Variants in CAMTA1 observed in about 807,000 individuals in gnomAD.
CAMTA1 encodes the protein calmodulin-binding transcription activator 1.
Under a neutral mutation model 170.9 loss-of-function variants are expected in CAMTA1, and 27 were observed. The observed-to-expected ratio is 0.16, with a 90% CI of 0.12 to 0.22. The LOEUF is 0.22. Ranked by LOEUF, CAMTA1 falls within the 10% of genes least tolerant of loss-of-function variation. The pLI, the probability that CAMTA1 is intolerant of heterozygous loss-of-function variation, is 1.00. For missense variants in CAMTA1, 1,619 were observed against 2,217.2 expected (o/e 0.73, Z 5.42); for synonymous variants, 833 against 891.5 (o/e 0.93, Z 1.17).
chr1:6,887,561 C>G lies in CAMTA1; in HGVS notation c.234+62351C>G. 1 of 1,513,510 alleles carries G rather than the reference C, an allele frequency of 6.6e-7. No individual in the cohort carries two copies. Among genetic ancestry groups the G allele is most frequent in the South Asian group, 1.2e-5 (1 of 81,008 alleles). 93.8% of individuals were successfully genotyped at this position (1,513,510 alleles called of 1,614,324 possible). A position where few individuals can be genotyped will look rare whatever the true frequency, so the allele number is the denominator to read the frequency against. On this transcript the variant is annotated intron_variant, in intron 3 of 22. Transcript: ENST00000303635. This position sits in a 1 kb window ranked among gnomAD's most constrained non-coding sequence, Gnocchi z 4.1. ...TGCCTTTACCCAGATGTCTCCTCCT[C>G]TCTCTGCCTCTGGAAATGGGGCAAA...
At chr1:6,964,805 G>T (rs562495887) in intron 3 of CAMTA1, among the ~76,000 whole-genome samples, 2 of 152,198 alleles carry the variant, frequency 1.3e-5, no homozygotes, top group African/African-American at 4.8e-5. Context: ...GTGAGATGCC[G>T]CCAGGGATTC....
chr1:7,381,717 G>A (rs1328860260), intron 5 of CAMTA1, among the ~76,000 whole-genome samples: 1 of 148,614 alleles, frequency 6.7e-6, no homozygotes, highest in Non-Finnish European at 1.5e-5. Context: ...CTAGATCCCT[G>A]AGGAATCGCC....
At chr1:7,100,413 A>G (rs1406201108) in intron 4 of CAMTA1, among the ~76,000 whole-genome samples, 1 of 152,080 alleles carries the variant, frequency 6.6e-6, no homozygotes, top group African/African-American at 2.4e-5. Flanking sequence ...AGTCGTGCCG[A>G]GTGGGACCCA....
In CAMTA1 at chr1:7,232,952, CT is replaced by C. The variant is rs749163158; in HGVS notation, c.303-16527del. On this transcript the variant is annotated intron_variant, in intron 4 of 22. Transcript: ENST00000303635. ...GAGCAAACTCCCTCCTCCTGCTCTT[CT>C]TTTTTTTTTTTCCCTCCCACCGAGA... Among the ~76,000 whole-genome samples, 290 of 83,476 alleles carry C rather than the reference CT, an allele frequency of 3.5e-3. 1 individual carries two copies. The highest frequency in any genetic ancestry group is 7.1e-3 in the Middle Eastern group (1 of 140). 54.8% of individuals were successfully genotyped at this position (83,476 alleles called of 152,430 possible).
chr1:7,514,550 T>C (rs1365199173), intron 6 of CAMTA1, among the ~76,000 whole-genome samples: 2 of 152,212 alleles, frequency 1.3e-5, no homozygotes, highest in East Asian at 3.9e-4. Context: ...GAAGGACATA[T>C]GAGATTTGTC....
chr1:7,520,206 TCCTCCTCCTC>T (rs2094342533), intron 6 of CAMTA1, among the ~76,000 whole-genome samples: 2 of 264 alleles, frequency 7.6e-3, no homozygotes, highest in Non-Finnish European at 0.016. Context: ...GCCGACCTCC[TCCTCCTCCTC>T]CTCCTCCTCC....
At chr1:6,886,104 GC>G in intron 3 of CAMTA1, 1 of 402,276 alleles carries the variant, frequency 2.5e-6, no homozygotes, top group Non-Finnish European at 4.9e-6. Context: ...TTTTCCTTGA[GC>G]CCACCATCTG....
At chr1:7,309,338 C>T (rs1410734711) in intron 5 of CAMTA1, among the ~76,000 whole-genome samples, 1 of 123,892 alleles carries the variant, frequency 8.1e-6, no homozygotes, top group South Asian at 2.6e-4. Flanking sequence ...CTCGCTCTGT[C>T]GCCCAGGCTG....
chr1:6,941,159 G>A (rs1686539611), intron 3 of CAMTA1, among the ~76,000 whole-genome samples: 2 of 152,088 alleles, frequency 1.3e-5, no homozygotes, highest in African/African-American at 4.8e-5. Context: ...CCTGTCTGCT[G>A]CCCCTCTGGT....
rs3827726 is a variant in CAMTA1, at chr1:6,887,913, C to T, written c.234+62703C>T. ...ACTCTTGCCTCATCCGGAGTTATTA[C>T]GAAGGAGCTCCGCAGCCTGACTGAG... is the stretch of plus-strand genomic sequence containing the variant. On this transcript the variant is annotated intron_variant, in intron 3 of 22. Transcript: ENST00000303635. This position sits in a 1 kb window ranked among gnomAD's most constrained non-coding sequence, Gnocchi z 4.1. 242,681 of 1,352,810 alleles carry T rather than the reference C, an allele frequency of 0.18. 22,234 individuals carry two copies. The highest frequency in any genetic ancestry group is 0.29 in the East Asian group (9,924 of 34,148). The allele number at this position is 1,352,810 out of a possible 1,614,324, so 83.8% of individuals were successfully genotyped here. A position where few individuals can be genotyped will look rare whatever the true frequency, so the allele number is the denominator to read the frequency against.
chr1:7,176,924 C>T (rs953565243), intron 4 of CAMTA1, among the ~76,000 whole-genome samples: 4 of 152,062 alleles, frequency 2.6e-5, no homozygotes, highest in African/African-American at 4.8e-5. Flanking sequence ...CACTAGATTG[C>T]GGAGAGGCTG....
intron 5 of CAMTA1, among the ~76,000 whole-genome samples, chr1:7,392,386 G>C (rs1249550848): frequency 2.6e-5 from 4 of 151,774 alleles, no homozygotes; most frequent in Admixed American, 2.6e-4. Context: ...CTCAGGAGTA[G>C]CTGGGATTAC....
chr1:7,236,140 C>T (rs2149234726), intron 4 of CAMTA1, among the ~76,000 whole-genome samples: 1 of 152,276 alleles, frequency 6.6e-6, no homozygotes, highest in South Asian at 2.1e-4. Context: ...CCCCTGTAAA[C>T]AAGTCAGAGG....
At chr1:7,091,445 G>A (rs45517936) in intron 4 of CAMTA1, 74 bp downstream of exon 4, 24,987 of 1,175,256 alleles carry the variant, frequency 0.021, 321 homozygotes, top group Middle Eastern at 0.026. Flanking sequence ...ACCTGATTTG[G>A]CCAGTGAATT....
At chr1:6,903,245 G>C (rs1274061085) in intron 3 of CAMTA1, among the ~76,000 whole-genome samples, 1 of 152,214 alleles carries the variant, frequency 6.6e-6, no homozygotes, top group African/African-American at 2.4e-5. Flanking sequence ...CTTAAGAGTA[G>C]GGAGGGGAAT....
chr1:6,971,391 A>G lies in CAMTA1; in HGVS notation c.235-119913A>G, dbSNP rs993457546. The stretch of plus-strand genomic sequence containing the variant: ...TCCGTGTCATTCTGCTGCCACTTTA[A>G]TGAGGACTGAGAATAAATAGAAATC... On this transcript the variant is annotated intron_variant, in intron 3 of 22. Transcript: ENST00000303635. The surrounding 1 kb of genome is among the most constrained non-coding windows in gnomAD (Gnocchi z 4.6). Among the ~76,000 whole-genome samples, 14 of 152,222 alleles carry G rather than the reference A, an allele frequency of 9.2e-5. No individual in the cohort carries two copies. The highest frequency in any genetic ancestry group is 2.1e-4 in the Non-Finnish European group (14 of 68,030).
At chr1:7,671,884 C>T (rs1007349181) in intron 10 of CAMTA1, among the ~76,000 whole-genome samples, 2 of 152,180 alleles carry the variant, frequency 1.3e-5, no homozygotes, top group South Asian at 4.1e-4. Flanking sequence ...TTCTTGATCA[C>T]CATAGTATCC....
intron 5 of CAMTA1, among the ~76,000 whole-genome samples, chr1:7,350,983 C>T (rs1168406001): frequency 6.6e-6 from 1 of 152,234 alleles, no homozygotes; most frequent in African/African-American, 2.4e-5. Flanking sequence ...ACTTCTCTGC[C>T]CCAGCAGCTG....
intron 7 of CAMTA1, among the ~76,000 whole-genome samples, chr1:7,654,957 AACACACCCACCTAT>A (rs1160162438): frequency 1.7e-5 from 2 of 115,634 alleles, no homozygotes; most frequent in African/African-American, 7.1e-5. Flanking sequence ...TACACACACA[AACACACCCACCTAT>A]ACACACACAC....
Sources: gnomAD v4.1 joint callset for allele counts (sites outside exome capture counted in the v4.1 genomes callset) on GRCh38, gnomAD v4.1.1 for gene constraint, Gnocchi (gnomAD v3.1) non-coding constraint, MANE v1.5 for transcripts, NCBI Gene and HGNC (gene_info 2026-07-23, HGNC 2026-07-21) for gene names.